The following ARHGAP28 variants were observed in gnomAD, a reference collection of about 807,000 sequenced individuals.
The protein encoded by ARHGAP28 is rho GTPase-activating protein 28.
In ARHGAP28, 56 loss-of-function variants were observed where a neutral mutation model predicts 90.7. That is an observed-to-expected ratio of 0.62 (90% CI 0.50 to 0.77). ARHGAP28 has a LOEUF of 0.77. Ranked by LOEUF, ARHGAP28 falls within the 30% of genes least tolerant of loss-of-function variation. ARHGAP28 has a pLI of 0.00. For missense variants in ARHGAP28, 869 were observed against 900.9 expected (o/e 0.96, Z 0.45); for synonymous variants, 308 against 323.3 (o/e 0.95, Z 0.51).
chr18:6,892,122 G>T (rs2057270824), intron 14 of ARHGAP28, among the ~76,000 whole-genome samples: 1 of 152,058 alleles, frequency 6.6e-6, no homozygotes, highest in Non-Finnish European at 1.5e-5. Context: ...TTTTAATTGA[G>T]AAAAAATCAC....
intron 1 of ARHGAP28, among the ~76,000 whole-genome samples, chr18:6,756,691 G>A (rs965918530): frequency 2.6e-5 from 4 of 152,290 alleles, no homozygotes; most frequent in South Asian, 2.1e-4. Context: ...AGGCAGTAGT[G>A]GCTCAGTCCG....
intron 1 of ARHGAP28, among the ~76,000 whole-genome samples, chr18:6,776,508 C>T (rs568505322): frequency 6.6e-5 from 10 of 152,288 alleles, no homozygotes; most frequent in African/African-American, 2.2e-4. Context: ...GGCGGTAAGA[C>T]TGCTGGTCTC....
At chr18:6,732,576 C>T (rs2055891712) in intron 1 of ARHGAP28, among the ~76,000 whole-genome samples, 1 of 152,208 alleles carries the variant, frequency 6.6e-6, no homozygotes, top group South Asian at 2.1e-4. Flanking sequence ...TGAGCTGCTC[C>T]ATCATGGGGG....
intron 4 of ARHGAP28, 150 bp from the exon 5 acceptor site, chr18:6,859,658 C>T (rs2056982321): frequency 5.4e-6 from 4 of 747,384 alleles, no homozygotes; most frequent in African/African-American, 1.7e-5. Flanking sequence ...AATAGTGCTG[C>T]ACTACCAGTT....
At chr18:6,751,414 T>C (rs1258935981) in intron 1 of ARHGAP28, among the ~76,000 whole-genome samples, 2 of 152,142 alleles carry the variant, frequency 1.3e-5, no homozygotes, top group South Asian at 4.1e-4. Context: ...CATGACCTCA[T>C]TGTGAGGCCA....
chr18:6,874,262 G>T (rs1049260576), intron 9 of ARHGAP28, among the ~76,000 whole-genome samples: 3 of 152,296 alleles, frequency 2.0e-5, no homozygotes, highest in South Asian at 4.1e-4. Context: ...TCCAAACCAA[G>T]TTTAATAAAA....
intron 1 of ARHGAP28, chr18:6,730,221 G>GATATATA (rs1555621921): frequency 5.8e-6 from 1 of 172,214 alleles, no homozygotes; most frequent in African/African-American, 2.9e-5. Flanking sequence ...TAAGTCATGT[G>GATATATA]TATATATATA....
At position 6,849,458 on chromosome 18, in the gene ARHGAP28, A is replaced by C. The variant is rs192007665; in HGVS notation, c.544-1576A>C. On this transcript the variant is annotated intron_variant, in intron 3 of 17. Coordinates refer to ENST00000383472, the MANE Select transcript of ARHGAP28 (RefSeq NM_001366230.1). Reference sequence around the variant, plus strand: ...GAGTATAATGAAATGACTACGTAGAACAGTAAAAATACCAACTTACATAAT... The same window carrying C: ...GAGTATAATGAAATGACTACGTAGACCAGTAAAAATACCAACTTACATAAT... Among the ~76,000 whole-genome samples, 352 of 152,240 alleles carry C rather than the reference A, an allele frequency of 2.3e-3. 2 individuals carry two copies. The highest frequency in any genetic ancestry group is 8.2e-3 in the African/African-American group (340 of 41,542).
chr18:6,730,536 G>C lies in ARHGAP28; in HGVS notation c.122+593G>C, dbSNP rs751317572. ...TTACTGCTAATGTCAACTCTATGCT[G>C]TCAATGCAATTATATTTCCTTTTGG... is the stretch of plus-strand genomic sequence containing the variant. On this transcript the variant is annotated intron_variant, in intron 1 of 17. Coordinates refer to ENST00000383472, the MANE Select transcript of ARHGAP28 (RefSeq NM_001366230.1). 5.5e-4 allele frequency among the ~76,000 whole-genome samples: 84 copies of C among 152,240 alleles called. No homozygotes were observed. The Middle Eastern group carries it at 0.01, about 18-fold the overall frequency.
chr18:6,738,342 T>C (rs1212641254), intron 1 of ARHGAP28, among the ~76,000 whole-genome samples: 2 of 151,980 alleles, frequency 1.3e-5, no homozygotes, highest in Non-Finnish European at 1.5e-5. Context: ...AATTTACTTA[T>C]ATACATTTAC....
chr18:6,859,789 CT>C lies in ARHGAP28; in HGVS notation c.637-15del. 1.9e-6 allele frequency: 3 copies of C among 1,609,058 alleles called. No individual in the cohort carries two copies. Among genetic ancestry groups the C allele is most frequent in the Non-Finnish European group, 2.6e-6 (3 of 1,175,890 alleles). ...AGTATTTGCCTGAATAAGAATGGTA[CT>C]TTTATTTCTCCATTTAGCCAGATGA... On this transcript the variant is annotated intron_variant, in intron 4 of 17. Coordinates refer to ENST00000383472, the MANE Select transcript of ARHGAP28 (RefSeq NM_001366230.1).
At chr18:6,810,698 G>C (rs1416359551) in intron 1 of ARHGAP28, among the ~76,000 whole-genome samples, 2 of 152,124 alleles carry the variant, frequency 1.3e-5, no homozygotes, top group Non-Finnish European at 2.9e-5. Flanking sequence ...TCTAAGGTAG[G>C]AAAAGCTTTG....
At chr18:6,881,070 G>C (rs993787630) in intron 10 of ARHGAP28, among the ~76,000 whole-genome samples, 14 of 152,222 alleles carry the variant, frequency 9.2e-5, no homozygotes, top group Non-Finnish European at 1.9e-4. Flanking sequence ...GTAGAGGTTA[G>C]AGGGTGCATC....
At chr18:6,743,924 A>G (rs2056000462) in intron 1 of ARHGAP28, among the ~76,000 whole-genome samples, 2 of 152,348 alleles carry the variant, frequency 1.3e-5, no homozygotes, top group South Asian at 4.1e-4. Context: ...AGCTGCATCC[A>G]GAGTTCCACT....
chr18:6,769,519 A>G (rs755594868), intron 1 of ARHGAP28, among the ~76,000 whole-genome samples: 1 of 152,194 alleles, frequency 6.6e-6, no homozygotes, highest in African/African-American at 2.4e-5. Context: ...ATTTGCATTC[A>G]TAAACTCATT....
At chr18:6,820,073 TATATCA>T (rs1166572216) in intron 1 of ARHGAP28, among the ~76,000 whole-genome samples, 1 of 152,218 alleles carries the variant, frequency 6.6e-6, no homozygotes, top group East Asian at 1.9e-4. Context: ...TGGTCGTTTT[TATATCA>T]ATATTTAATC....
chr18:6,776,049 A>T (rs1180587814), intron 1 of ARHGAP28, among the ~76,000 whole-genome samples: 8 of 152,218 alleles, frequency 5.3e-5, no homozygotes, highest in Non-Finnish European at 1.2e-4. Context: ...ACTTTTACAG[A>T]TAAAGGAACC....
At chr18:6,891,951 G>C (rs1270108633) in intron 14 of ARHGAP28, among the ~76,000 whole-genome samples, 1 of 152,066 alleles carries the variant, frequency 6.6e-6, no homozygotes, top group Non-Finnish European at 1.5e-5. Context: ...AAAGTCCAGG[G>C]AAAAGGACAG....
At chr18:6,822,834 C>T (rs1375277037) in intron 1 of ARHGAP28, among the ~76,000 whole-genome samples, 1 of 152,114 alleles carries the variant, frequency 6.6e-6, no homozygotes, top group Non-Finnish European at 1.5e-5. Flanking sequence ...TAGATGTGTA[C>T]AGCATATGAG....
Sources: allele counts gnomAD v4.1 joint callset (sites outside exome capture counted in the v4.1 genomes callset), GRCh38; gene constraint gnomAD v4.1.1; transcripts MANE v1.5; gene names NCBI Gene and HGNC (gene_info 2026-07-23, HGNC 2026-07-21).